ARFGEF1: variants seen among roughly 807,000 people sequenced by gnomAD.
ARFGEF1 encodes the protein brefeldin A-inhibited guanine nucleotide-exchange protein 1.
Under a neutral mutation model 231.0 loss-of-function variants are expected in ARFGEF1, and 42 were observed. That is an observed-to-expected ratio of 0.18 (90% confidence interval 0.14 to 0.24). The LOEUF (loss-of-function observed/expected upper bound fraction) is 0.24. ARFGEF1 is among the 10% of genes least tolerant of loss of function. The pLI, the probability that ARFGEF1 is intolerant of heterozygous loss-of-function variation, is 1.00. For synonymous variants in ARFGEF1, 710 were observed against 732.3 expected (o/e 0.97, Z 0.49); for missense variants, 1,345 against 2,192.0 (o/e 0.61, Z 7.72).
At chr8:67,196,569 G>A (rs948299380), downstream of ARFGEF1, among the ~76,000 whole-genome samples, 3 of 152,196 alleles carry the variant, frequency 2.0e-5, no homozygotes, top group African/African-American at 7.2e-5. Context: ...ACGGTTGGTA[G>A]ACAATATCAG....
intron 34 of ARFGEF1, 65 bp from the exon 35 acceptor site, chr8:67,204,884 C>A: frequency 6.4e-7 from 1 of 1,567,678 alleles, no homozygotes; most frequent in South Asian, 1.1e-5. Context: ...TTATAATTTC[C>A]ATGATATTAC....
At chr8:67,219,327 G>T in intron 30 of ARFGEF1, 104 bp downstream of exon 30, 1 of 1,360,484 alleles carries the variant, frequency 7.4e-7, no homozygotes. Flanking sequence ...AAATTTTCTA[G>T]GAATTCTTTT....
At position 67,190,692 on chromosome 8, in the gene ARFGEF1, TC is replaced by T. The variant is rs1452342471; in HGVS notation, c.560+9703del. ...TATCCTGCCATTGAAGATGACGTCC[TC>T]CCTCCACCATCACAGTTGCCCTCTG... On this transcript the variant is annotated intron_variant, in intron 5 of 5. Transcript: ENST00000518789. 3 of 1,614,122 alleles carry T rather than the reference TC, an allele frequency of 1.9e-6. No homozygotes were observed. In the Admixed American group the frequency reaches 5.0e-5, roughly 27 times the overall value.
chr8:67,225,588 T>C (rs1839345068), intron 28 of ARFGEF1, among the ~76,000 whole-genome samples: 1 of 152,172 alleles, frequency 6.6e-6, no homozygotes, highest in African/African-American at 2.4e-5. Context: ...CCTATTCTCA[T>C]CCATAGTCAG....
At chr8:67,309,492 T>C (rs1277553997) in intron 1 of ARFGEF1, among the ~76,000 whole-genome samples, 2 of 152,246 alleles carry the variant, frequency 1.3e-5, no homozygotes, top group African/African-American at 4.8e-5. Context: ...TCTTCTTTGC[T>C]ATTTTCTTTC....
At chr8:67,247,522 T>C (rs1840144305) in intron 19 of ARFGEF1, among the ~76,000 whole-genome samples, 1 of 150,334 alleles carries the variant, frequency 6.7e-6, no homozygotes, top group African/African-American at 2.5e-5. Context: ...AAAAAGCATT[T>C]GATAAAAACT....
chr8:67,295,112 A>G (rs887442767), intron 5 of ARFGEF1, among the ~76,000 whole-genome samples: 2 of 152,200 alleles, frequency 1.3e-5, no homozygotes, highest in Non-Finnish European at 2.9e-5. Context: ...TTACAGATTG[A>G]TATAAATAAA....
At chr8:67,196,660 T>C (rs1474110308), downstream of ARFGEF1, among the ~76,000 whole-genome samples, 7 of 152,330 alleles carry the variant, frequency 4.6e-5, no homozygotes, top group South Asian at 2.1e-4. Flanking sequence ...AATCGGACCA[T>C]TGTTTGTTTG....
chr8:67,337,952 T>C (rs1808423970), intron 1 of ARFGEF1, among the ~76,000 whole-genome samples: 1 of 152,204 alleles, frequency 6.6e-6, no homozygotes, highest in South Asian at 2.1e-4. Context: ...AATATATACC[T>C]AGTTCGGAAT....
intron 5 of ARFGEF1, among the ~76,000 whole-genome samples, chr8:67,176,198 C>A (rs1831583811): frequency 6.6e-6 from 1 of 152,008 alleles, no homozygotes; most frequent in Non-Finnish European, 1.5e-5. Flanking sequence ...ATTTCACCAG[C>A]CTTCAGGCCA....
intron 6 of ARFGEF1, among the ~76,000 whole-genome samples, chr8:67,291,394 T>C (rs1267108867): frequency 6.6e-6 from 1 of 151,244 alleles, no homozygotes; most frequent in Non-Finnish European, 1.5e-5. Flanking sequence ...ACTCAAAAAC[T>C]TTGTTTTTAT....
chr8:67,255,625 T>C (rs1030963251), intron 17 of ARFGEF1, among the ~76,000 whole-genome samples: 1 of 152,246 alleles, frequency 6.6e-6, no homozygotes, highest in African/African-American at 2.4e-5. Context: ...GTTATAGTTA[T>C]CTAAATCAAC....
chr8:67,202,539 G>GT (rs1270429668), intron 36 of ARFGEF1, among the ~76,000 whole-genome samples: 1 of 152,156 alleles, frequency 6.6e-6, no homozygotes, highest in Non-Finnish European at 1.5e-5. Flanking sequence ...AACTACAGGT[G>GT]TGAGTCACCA....
intron 10 of ARFGEF1, among the ~76,000 whole-genome samples, chr8:67,269,850 TTTCAAA>T (rs1305508520): frequency 6.6e-6 from 1 of 152,162 alleles, no homozygotes; most frequent in East Asian, 1.9e-4. Flanking sequence ...AAGTTTTTCC[TTTCAAA>T]TTCATTTTTG....
At chr8:67,288,789 T>A (rs1464616009) in intron 6 of ARFGEF1, among the ~76,000 whole-genome samples, 1 of 151,934 alleles carries the variant, frequency 6.6e-6, no homozygotes, top group African/African-American at 2.4e-5. Flanking sequence ...AATAGTAAGA[T>A]CAACATGGTA....
At chr8:67,228,913 G>A (rs750123488) in intron 23 of ARFGEF1, among the ~76,000 whole-genome samples, 1 of 151,966 alleles carries the variant, frequency 6.6e-6, no homozygotes, top group Non-Finnish European at 1.5e-5. Flanking sequence ...TTTAAAGTCT[G>A]CATTTTAACC....
intron 1 of ARFGEF1, among the ~76,000 whole-genome samples, chr8:67,315,857 C>A (rs1194438969): frequency 6.6e-6 from 1 of 151,896 alleles, no homozygotes; most frequent in East Asian, 1.9e-4. Flanking sequence ...GGGAGACTTA[C>A]AGCACTTAAT....
intron 1 of ARFGEF1, among the ~76,000 whole-genome samples, chr8:67,338,514 T>C (rs764412565): frequency 2.7e-4 from 41 of 152,332 alleles, no homozygotes; most frequent in Non-Finnish European, 5.0e-4. Context: ...TTCATGTGCA[T>C]TATAAATTTC....
At chr8:67,209,935 G>A (rs757506507) in intron 34 of ARFGEF1, among the ~76,000 whole-genome samples, 7 of 151,772 alleles carry the variant, frequency 4.6e-5, no homozygotes, top group Non-Finnish European at 7.4e-5. Flanking sequence ...GGTGGATCAC[G>A]AGGTCAGGAG....
Sources: allele counts gnomAD v4.1 joint callset (sites outside exome capture counted in the v4.1 genomes callset), GRCh38; gene constraint gnomAD v4.1.1; transcripts MANE v1.5; gene names NCBI Gene and HGNC (gene_info 2026-07-23, HGNC 2026-07-21).